Variants in BRINP3 observed in about 807,000 individuals in gnomAD.
BRINP3 encodes BMP/retinoic acid-inducible neural-specific protein 3.
A neutral mutation model predicts 71.0 loss-of-function variants in BRINP3; 19 were observed. That is an observed-to-expected ratio of 0.27 (90% CI 0.19 to 0.39). BRINP3 has a LOEUF of 0.39. BRINP3 is among the 10% of genes least tolerant of loss of function. The pLI is 1.00. For missense variants in BRINP3, 959 were observed against 940.8 expected, an observed-to-expected ratio of 1.02 and a Z score of -0.25; for synonymous variants, 380 against 337.7, an observed-to-expected ratio of 1.13 and a Z score of -1.37.
intron 6 of BRINP3, among the ~76,000 whole-genome samples, chr1:190,187,949 A>C (rs1653684653): frequency 6.6e-6 from 1 of 151,642 alleles, no homozygotes; most frequent in Admixed American, 6.6e-5. Flanking sequence ...AATTGGATTT[A>C]ATCTATAGAT....
intron 2 of BRINP3, among the ~76,000 whole-genome samples, chr1:190,286,494 T>C (rs1184038922): frequency 6.6e-6 from 1 of 152,022 alleles, no homozygotes; most frequent in Non-Finnish European, 1.5e-5. Flanking sequence ...TTTGCCACTC[T>C]TCATATTAGA....
At chr1:190,198,776 C>A (rs893958052) in intron 6 of BRINP3, among the ~76,000 whole-genome samples, 1 of 152,138 alleles carries the variant, frequency 6.6e-6, no homozygotes, top group Non-Finnish European at 1.5e-5. Flanking sequence ...ACAAAATCAA[C>A]AAGTCTCTAA....
At chr1:190,365,835 T>TATATACACAC (rs1553303272) in intron 2 of BRINP3, among the ~76,000 whole-genome samples, 1 of 136,758 alleles carries the variant, frequency 7.3e-6, no homozygotes, top group African/African-American at 2.7e-5. Flanking sequence ...TATATATATA[T>TATATACACAC]ACACACACAC....
In BRINP3 at chr1:190,477,609, A is replaced by C. The variant is rs1571420348; in HGVS notation, c.-212T>G. Reference sequence around the variant, plus strand: ...GGTGGCATGTAACCAAGTAAAAACCAGTTACACAGAGAGCCACGAACCCCC... The same window carrying C: ...GGTGGCATGTAACCAAGTAAAAACCCGTTACACAGAGAGCCACGAACCCCC... On this transcript the variant is annotated 5_prime_UTR_variant, in exon 1 of 8. Transcript: ENST00000367462. The C allele has an allele frequency of 6.6e-6, 1 of 152,012 alleles. No homozygotes were observed. The highest frequency in any genetic ancestry group is 2.0e-4 in the East Asian group (1 of 5,128). The allele number at this position is 152,012 out of a possible 1,614,324, so 9.4% of individuals were successfully genotyped here. A position where few individuals can be genotyped will look rare whatever the true frequency, so the allele number is the denominator to read the frequency against.
intron 6 of BRINP3, among the ~76,000 whole-genome samples, chr1:190,185,672 A>C (rs907091697): frequency 6.6e-6 from 1 of 152,124 alleles, no homozygotes; most frequent in Admixed American, 6.6e-5. Context: ...TCTATCTTGA[A>C]TGTATATAAT....
At chr1:190,171,895 C>T (rs1652043611) in intron 6 of BRINP3, among the ~76,000 whole-genome samples, 1 of 151,814 alleles carries the variant, frequency 6.6e-6, no homozygotes, top group Admixed American at 6.6e-5. Context: ...TTGCTTGACA[C>T]CAGAAGTTTG....
chr1:190,226,362 G>GA (rs1156922937), intron 5 of BRINP3, 44 bp from the exon 6 acceptor site: 8 of 1,168,914 alleles, frequency 6.8e-6, no homozygotes, highest in Non-Finnish European at 7.1e-6. Flanking sequence ...CTTTGTTAAA[G>GA]AAAAAATTAA....
At chr1:190,255,609 C>T (rs887417824) in intron 4 of BRINP3, among the ~76,000 whole-genome samples, 3 of 152,012 alleles carry the variant, frequency 2.0e-5, no homozygotes, top group African/African-American at 4.8e-5. Context: ...GTTTGTCTTC[C>T]TGTGGGATTA....
At chr1:190,300,063 G>A (rs933337918) in intron 2 of BRINP3, among the ~76,000 whole-genome samples, 71 of 151,926 alleles carry the variant, frequency 4.7e-4, no homozygotes, top group African/African-American at 1.6e-3. Flanking sequence ...TCTTTGTGGC[G>A]TTCTCTGTAT....
chr1:190,445,221 T>C (rs1198339491), intron 2 of BRINP3, among the ~76,000 whole-genome samples: 3 of 152,134 alleles, frequency 2.0e-5, no homozygotes, highest in African/African-American at 4.8e-5. Context: ...ATTATGGATA[T>C]TGGATAAATT....
At chr1:190,195,262 C>T (rs938635232) in intron 6 of BRINP3, among the ~76,000 whole-genome samples, 3 of 151,702 alleles carry the variant, frequency 2.0e-5, no homozygotes, top group Non-Finnish European at 4.4e-5. Flanking sequence ...AAGATTACAT[C>T]TATAAAATAA....
Position 190,270,232 on chromosome 1 carries a change from A to G in BRINP3, c.428-5177T>C, listed in dbSNP as rs181984038. 9.9e-5 allele frequency among the ~76,000 whole-genome samples: 15 copies of G among 152,028 alleles called. No individual in the cohort carries two copies. In the East Asian group the frequency reaches 2.9e-3, roughly 29 times the overall value. On this transcript the variant is annotated intron_variant, in intron 3 of 7. Coordinates refer to ENST00000367462, the MANE Select transcript of BRINP3 (RefSeq NM_199051.3). ...TACCTACAGGAACAGGAAAATCAAC[A>G]TAGATAGAAATATGATATTTAAAGA... is the stretch of plus-strand genomic sequence containing the variant.
intron 6 of BRINP3, among the ~76,000 whole-genome samples, chr1:190,209,175 A>G (rs564428292): frequency 2.0e-5 from 3 of 152,256 alleles, no homozygotes; most frequent in African/African-American, 7.2e-5. Context: ...GAGAAAGCTT[A>G]ATCTTCTTAT....
chr1:190,333,750 C>T (rs1190600633), intron 2 of BRINP3, among the ~76,000 whole-genome samples: 1 of 151,920 alleles, frequency 6.6e-6, no homozygotes, highest in East Asian at 1.9e-4. Context: ...TCTACTTAAA[C>T]ATTTCCTGGG....
rs549708697 is a variant in BRINP3, at chr1:190,371,920, C to T, written c.236+82735G>A. Among the ~76,000 whole-genome samples the T allele has an allele frequency of 3.4e-4, 52 of 152,222 alleles. No homozygotes were observed. The South Asian group carries it at 5.2e-3, about 15-fold the overall frequency. ...ACAACCAGTACTATTACCCCATGTC[C>T]GACATTCACGGTGACATAAGCTTCA... On this transcript the variant is annotated intron_variant, in intron 2 of 7. Coordinates refer to ENST00000367462, the MANE Select transcript of BRINP3 (RefSeq NM_199051.3).
At chr1:190,457,342 G>A (rs919640312) in intron 1 of BRINP3, among the ~76,000 whole-genome samples, 2 of 152,096 alleles carry the variant, frequency 1.3e-5, no homozygotes, top group African/African-American at 4.8e-5. Flanking sequence ...TATTCTAGAT[G>A]CTGAAGCACG....
chr1:190,354,984 A>G (rs961171183), intron 2 of BRINP3, among the ~76,000 whole-genome samples: 1 of 151,778 alleles, frequency 6.6e-6, no homozygotes, highest in Admixed American at 6.6e-5. Flanking sequence ...TGCGTTACCT[A>G]ATTCAGCTAC....
intron 1 of BRINP3, among the ~76,000 whole-genome samples, chr1:190,460,976 G>A (rs1373653677): frequency 6.6e-6 from 1 of 151,992 alleles, no homozygotes; most frequent in Non-Finnish European, 1.5e-5. Context: ...ATGTATTACT[G>A]CAATAGCTTC....
intron 7 of BRINP3, among the ~76,000 whole-genome samples, chr1:190,152,491 A>AATATATATAT (rs141753835): frequency 1.4e-5 from 2 of 141,734 alleles, no homozygotes; most frequent in Non-Finnish European, 3.1e-5. Flanking sequence ...TACATGCACA[A>AATATATATAT]ATATATATAT....
Sources: gnomAD v4.1 joint callset for allele counts (sites outside exome capture counted in the v4.1 genomes callset) on GRCh38, gnomAD v4.1.1 for gene constraint, MANE v1.5 for transcripts, NCBI Gene and HGNC (gene_info 2026-07-23, HGNC 2026-07-21) for gene names.